PTPRB: variants seen among roughly 807,000 people sequenced by gnomAD.
The protein encoded by PTPRB is receptor-type tyrosine-protein phosphatase beta.
Under a neutral mutation model 238.1 loss-of-function variants are expected in PTPRB, and 97 were observed. The ratio of observed to expected loss-of-function variants is 0.41; its 90% CI spans 0.35 to 0.48. The LOEUF is 0.48. PTPRB is among the 20% of genes least tolerant of loss of function. The pLI is 0.30. For missense variants in PTPRB, 2,292 were observed against 2,681.9 expected (o/e 0.85, Z 3.21); for synonymous variants, 970 against 995.4 (o/e 0.97, Z 0.48).
intron 14 of PTPRB, 87 bp from the exon 15 acceptor site, chr12:70,566,791 C>T (rs938248856): frequency 2.2e-6 from 3 of 1,389,074 alleles, no homozygotes; most frequent in Non-Finnish European, 3.0e-6. Context: ...GAATCAACTG[C>T]AGGTAGAAGA....
intron 4 of PTPRB, among the ~76,000 whole-genome samples, chr12:70,601,156 G>A (rs751408984): frequency 3.3e-5 from 5 of 152,052 alleles, no homozygotes; most frequent in Non-Finnish European, 7.4e-5. Flanking sequence ...ATGAGCTAGC[G>A]TGCCCAGCCT....
intron 18 of PTPRB, chr12:70,559,063 A>G: frequency 3.5e-6 from 2 of 573,912 alleles, no homozygotes; most frequent in Non-Finnish European, 6.2e-6. Flanking sequence ...GTGTCTCCAT[A>G]GTACCATTTA....
chr12:70,531,981 TG>T, intron 32 of PTPRB, 53 bp downstream of exon 32: 1 of 1,606,572 alleles, frequency 6.2e-7, no homozygotes, highest in Non-Finnish European at 8.5e-7. Flanking sequence ...TATTTTTTTG[TG>T]GGAATACAGT....
rs369678529 is a variant in PTPRB at position 70,609,176 on chromosome 12, A to G, written c.872T>C (p.Ile291Thr). Reference protein sequence around the residue: ...LGAALCPTFRIDNTTYGCNLQ... With the variant: ...LGAALCPTFRTDNTTYGCNLQ... The stretch of plus-strand genomic sequence containing the variant: ...GTTACATCCGTATGTGGTGTTGTCT[A>G]TCCGAAAGGTAGGGCACAACGCGGC... The change falls in exon 4 of 34, where the codon ATA becomes ACA. Residue 291 changes from isoleucine to threonine, a missense_variant. By Grantham distance (89) the Ile-to-Thr change is moderately conservative. Around this residue, in one of 4 missense-constraint regions of PTPRB, gnomAD observed 1,205 missense variants for 1,287.8 expected, o/e 0.94. Coordinates refer to ENST00000334414, the MANE Select transcript of PTPRB (RefSeq NM_001109754.4). The G allele has an allele frequency of 2.4e-5, 38 of 1,613,932 alleles. No homozygotes were observed. The highest frequency in any genetic ancestry group is 3.1e-5 in the Non-Finnish European group (37 of 1,179,894).
chr12:70,530,515 C>T (rs1370102736), intron 32 of PTPRB, among the ~76,000 whole-genome samples: 7 of 151,818 alleles, frequency 4.6e-5, no homozygotes, highest in East Asian at 3.8e-4. Context: ...TACATACACA[C>T]GTGTACACAT....
Position 70,581,086 on chromosome 12 carries a change from G to A in PTPRB, c.2528C>T (p.Thr843Ile). The A allele has an allele frequency of 6.2e-7, 1 of 1,614,000 alleles. No individual in the cohort carries two copies. The highest frequency in any genetic ancestry group is 1.1e-5 in the South Asian group (1 of 91,082). The change falls in exon 10 of 34, where the codon ACA becomes ATA. Residue 843 changes from threonine (T) to isoleucine (I), a missense_variant. By Grantham distance (89) the Thr-to-Ile change is moderately conservative. Transcript: ENST00000334414. Reference sequence around the variant, plus strand: ...TCGGGAAGAGATCCCTCCACTCACTGTTGTTACCACCACGGAGTACAGGCT... The same window carrying A: ...TCGGGAAGAGATCCCTCCACTCACTATTGTTACCACCACGGAGTACAGGCT... ...SGSLYSVVVT[T>I]VSGGISSRQV...
intron 3 of PTPRB, among the ~76,000 whole-genome samples, chr12:70,619,374 C>T (rs1379372342): frequency 1.3e-5 from 2 of 151,790 alleles, no homozygotes; most frequent in Non-Finnish European, 2.9e-5. Context: ...GTCACAGATT[C>T]CTCCCACTCA....
At chr12:70,601,329 G>A (rs1480993440) in intron 4 of PTPRB, among the ~76,000 whole-genome samples, 2 of 151,582 alleles carry the variant, frequency 1.3e-5, no homozygotes, top group Non-Finnish European at 2.9e-5. Context: ...TTTCCTCCAT[G>A]ATTGCCAAAT....
chr12:70,533,190 C>G (rs976275846), intron 31 of PTPRB, among the ~76,000 whole-genome samples: 15 of 152,094 alleles, frequency 9.9e-5, no homozygotes, highest in Admixed American at 7.9e-4. Context: ...ATTTTTGATA[C>G]ACACATTTAT....
Position 70,635,883 on chromosome 12 carries a change from C to T in PTPRB, c.239G>A (p.Arg80His), listed in dbSNP as rs761837685. 9.5e-5 allele frequency: 154 copies of T among 1,613,584 alleles called. No homozygotes were observed. The highest frequency in any genetic ancestry group is 1.2e-4 in the Non-Finnish European group (145 of 1,179,810). ...GGAACAGCGGTCCAAGATGGCTGAGCGGGAGGGGCCGCGGGAAGAGTTGGA... is the reference window on the plus strand; with the variant it reads ...GGAACAGCGGTCCAAGATGGCTGAGTGGGAGGGGCCGCGGGAAGAGTTGGA... Reference protein sequence around the residue: ...AISNSSRGPSRSAILDRCSQA... With the variant: ...AISNSSRGPSHSAILDRCSQA... The change falls in exon 2 of 34, where the codon CGC (arginine) becomes CAC (histidine). Residue 80 changes from arginine (R) to histidine (H), a missense_variant. This residue lies in a region of PTPRB where 1,205 missense variants were observed against 1,287.8 expected (regional missense o/e 0.94). Coordinates refer to ENST00000334414, the MANE Select transcript of PTPRB (RefSeq NM_001109754.4).
intron 11 of PTPRB, among the ~76,000 whole-genome samples, chr12:70,572,955 T>C (rs1808928310): frequency 6.6e-6 from 1 of 151,766 alleles, no homozygotes; most frequent in Admixed American, 6.6e-5. Flanking sequence ...AAAAACTATA[T>C]AAAAACCACG....
Position 70,535,083 on chromosome 12 carries a change from T to C in PTPRB, c.6082-128A>G, listed in dbSNP as rs575814733. On this transcript the variant is annotated intron_variant, in intron 29 of 33. Transcript: ENST00000334414. Reference sequence around the variant, plus strand: ...ATCAGCTGCTAAAGCAATTTGACCATCTACTTTATATTAACCTTCTCATGG... The same window carrying C: ...ATCAGCTGCTAAAGCAATTTGACCACCTACTTTATATTAACCTTCTCATGG... 4.6e-6 allele frequency: 5 copies of C among 1,097,684 alleles called. No homozygotes were observed. The South Asian group carries it at 8.1e-5, about 18-fold the overall frequency. 68.0% of individuals were successfully genotyped at this position (1,097,684 alleles called of 1,614,324 possible).
chr12:70,623,765 T>C (rs2136584280), intron 2 of PTPRB, among the ~76,000 whole-genome samples: 1 of 152,292 alleles, frequency 6.6e-6, no homozygotes, highest in South Asian at 2.1e-4. Flanking sequence ...CAAACAACTG[T>C]TTATTATACA....
intron 31 of PTPRB, among the ~76,000 whole-genome samples, chr12:70,534,182 A>G (rs1336287207): frequency 1.3e-5 from 2 of 152,182 alleles, no homozygotes; most frequent in African/African-American, 4.8e-5. Flanking sequence ...TGATGATGGA[A>G]AGCATGGAAT....
intron 8 of PTPRB, 114 bp downstream of exon 8, chr12:70,589,850 C>T: frequency 9.3e-7 from 1 of 1,073,236 alleles, no homozygotes; most frequent in Non-Finnish European, 1.3e-6. Context: ...CTTAATATCT[C>T]AAATTCAGAA....
chr12:70,579,739 G>C (rs1881180240), intron 10 of PTPRB, among the ~76,000 whole-genome samples: 1 of 150,110 alleles, frequency 6.7e-6, no homozygotes, highest in African/African-American at 2.4e-5. Context: ...GACAATGTCA[G>C]CTGTCATAGA....
At chr12:70,532,560 T>C (rs1482011107) in intron 31 of PTPRB, among the ~76,000 whole-genome samples, 2 of 152,174 alleles carry the variant, frequency 1.3e-5, no homozygotes, top group African/African-American at 2.4e-5. Flanking sequence ...AATATTATGT[T>C]TTCAGATTTA....
Position 70,620,965 on chromosome 12 carries a change from A to G in PTPRB, c.708+1425T>C, listed in dbSNP as rs1251387600. ...TTGCCACTATGCGATCTATGCATGT[A>G]AGAAGATTACTACTGTAATTGTAAC... On this transcript the variant is annotated intron_variant, in intron 3 of 33. Coordinates refer to ENST00000334414, the MANE Select transcript of PTPRB (RefSeq NM_001109754.4). Among the ~76,000 whole-genome samples, 5 of 152,220 alleles carry G rather than the reference A, an allele frequency of 3.3e-5. No individual in the cohort carries two copies. In the South Asian group the frequency reaches 6.2e-4, roughly 19 times the overall value.
chr12:70,540,044 T>G (rs1237760945), intron 23 of PTPRB, 22 bp from the exon 24 acceptor site: 3 of 1,567,736 alleles, frequency 1.9e-6, no homozygotes, highest in Non-Finnish European at 2.6e-6. Flanking sequence ...GGGAGATAAC[T>G]TTTATTCTGA....
Sources: allele counts gnomAD v4.1 joint callset (sites outside exome capture counted in the v4.1 genomes callset), GRCh38; gene constraint gnomAD v4.1.1; regional missense constraint gnomAD v4.1.1; transcripts MANE v1.5; gene names NCBI Gene and HGNC (gene_info 2026-07-23, HGNC 2026-07-21).